Variants in NR5A2 observed in about 807,000 individuals in gnomAD.
NR5A2 encodes nuclear receptor subfamily 5 group A member 2, also known as CYP7A promoter-binding factor.
NR5A2 carries 26 observed loss-of-function variants against 62.7 expected under a neutral mutation model. The observed-to-expected ratio is 0.41, with a 90% CI of 0.30 to 0.58. The LOEUF (loss-of-function observed/expected upper bound fraction) is 0.58, where lower values mean the gene tolerates loss of function less well. NR5A2 is among the 20% of genes least tolerant of loss of function. The probability of loss-of-function intolerance (pLI) is 0.22; values close to 1 mark genes in which losing one functional copy is unlikely to be tolerated. For synonymous variants in NR5A2, 246 were observed against 241.7 expected (o/e 1.02, Z -0.16); for missense variants, 541 against 669.1 (o/e 0.81, Z 2.11).
intron 7 of NR5A2, among the ~76,000 whole-genome samples, chr1:200,166,692 A>G (rs1653919813): frequency 1.3e-5 from 2 of 152,164 alleles, no homozygotes; most frequent in Admixed American, 6.5e-5. Context: ...GGGAAGTCTC[A>G]TGGTAGAGCA....
At position 200,177,392 on chromosome 1, in the gene NR5A2, A is replaced by G. The variant is rs1654470586; in HGVS notation, c.*3182A>G. 1 of 152,584 alleles carries G rather than the reference A, an allele frequency of 6.6e-6. No homozygotes were observed. Among genetic ancestry groups the G allele is most frequent in the Admixed American group, 6.5e-5 (1 of 15,278 alleles). The allele number at this position is 152,584 out of a possible 1,614,324, so 9.5% of individuals were successfully genotyped here. A position where few individuals can be genotyped will look rare whatever the true frequency, so the allele number is the denominator to read the frequency against. Reference sequence around the variant, plus strand: ...ATTTTTTTTTTCAGTATTTCAATAAATATTGATATGCCCAGCCTGATAATT... The same window carrying G: ...ATTTTTTTTTTCAGTATTTCAATAAGTATTGATATGCCCAGCCTGATAATT... On this transcript the variant is annotated 3_prime_UTR_variant, in exon 8 of 8. Transcript: ENST00000367362.
intron 6 of NR5A2, among the ~76,000 whole-genome samples, chr1:200,113,670 C>T (rs926025707): frequency 2.0e-5 from 3 of 152,162 alleles, no homozygotes; most frequent in African/African-American, 7.2e-5. Context: ...TATTGTATCT[C>T]TCCTGGTTGC....
intron 1 of NR5A2, among the ~76,000 whole-genome samples, chr1:200,035,878 G>T (rs927929526): frequency 1.3e-5 from 2 of 152,214 alleles, no homozygotes; most frequent in African/African-American, 4.8e-5. Context: ...GGAGTGCAAA[G>T]AAATTGAGAA....
At chr1:200,067,829 T>A (rs1663564140) in intron 5 of NR5A2, among the ~76,000 whole-genome samples, 1 of 152,234 alleles carries the variant, frequency 6.6e-6, no homozygotes, top group Admixed American at 6.5e-5. Context: ...GACACCAGTG[T>A]GCAAATTCAG....
intron 5 of NR5A2, among the ~76,000 whole-genome samples, chr1:200,104,043 A>AG (rs1665523960): frequency 6.6e-6 from 1 of 152,160 alleles, no homozygotes; most frequent in African/African-American, 2.4e-5. Flanking sequence ...AAAGGAGGTT[A>AG]GGGGGAGGTC....
chr1:200,164,026 TAGTGA>T (rs1653779262), intron 7 of NR5A2, among the ~76,000 whole-genome samples: 1 of 151,852 alleles, frequency 6.6e-6, no homozygotes, highest in Non-Finnish European at 1.5e-5. Context: ...GTCTTGGTGA[TAGTGA>T]GTTCTTGCCA....
intron 5 of NR5A2, among the ~76,000 whole-genome samples, chr1:200,103,299 A>G (rs1665481979): frequency 6.6e-6 from 1 of 151,562 alleles, no homozygotes; most frequent in Admixed American, 6.6e-5. Flanking sequence ...AATTTTTTGT[A>G]TTTTTGGTAG....
intron 7 of NR5A2, chr1:200,148,235 C>T (rs1002643715): frequency 2.2e-5 from 5 of 226,240 alleles, no homozygotes; most frequent in African/African-American, 7.0e-5. Context: ...ACAGCGGCAG[C>T]ATCCAAAGGA....
chr1:200,150,761 C>A (rs1653047575), intron 7 of NR5A2, among the ~76,000 whole-genome samples: 1 of 152,204 alleles, frequency 6.6e-6, no homozygotes, highest in African/African-American at 2.4e-5. Context: ...TGCAGGCCTT[C>A]CTAATGCCCC....
intron 1 of NR5A2, chr1:200,038,810 C>T (rs1318182528): frequency 7.8e-7 from 1 of 1,281,700 alleles, no homozygotes; most frequent in Non-Finnish European, 1.0e-6. Flanking sequence ...CCGCCCCGGG[C>T]CAGGGTGGGG....
chr1:200,155,559 G>A (rs78600110), intron 7 of NR5A2, among the ~76,000 whole-genome samples: 189 of 152,284 alleles, frequency 1.2e-3, no homozygotes, highest in Non-Finnish European at 2.3e-3. Flanking sequence ...CTGCCAGGTC[G>A]ACTACCAGTT....
At chr1:200,098,445 A>T (rs1281499298) in intron 5 of NR5A2, among the ~76,000 whole-genome samples, 1 of 152,244 alleles carries the variant, frequency 6.6e-6, no homozygotes. Flanking sequence ...GCAGGAAAGA[A>T]ACTGGGCAAT....
intron 5 of NR5A2, among the ~76,000 whole-genome samples, chr1:200,110,182 A>G (rs1665876258): frequency 1.3e-5 from 2 of 152,268 alleles, no homozygotes; most frequent in South Asian, 4.1e-4. Context: ...TCTAAAATAC[A>G]CAAAACTCTT....
At chr1:200,145,231 AC>A (rs1667635882) in intron 7 of NR5A2, among the ~76,000 whole-genome samples, 1 of 152,094 alleles carries the variant, frequency 6.6e-6, no homozygotes, top group Non-Finnish European at 1.5e-5. Flanking sequence ...AATCGCCTGA[AC>A]CCGGGAGGCG....
At chr1:200,056,735 C>G (rs1232272254) in intron 5 of NR5A2, among the ~76,000 whole-genome samples, 1 of 152,168 alleles carries the variant, frequency 6.6e-6, no homozygotes, top group Non-Finnish European at 1.5e-5. Flanking sequence ...CATAACTTCA[C>G]ACTGGGTCTG....
chr1:200,152,809 A>G (rs1653190773), intron 7 of NR5A2, among the ~76,000 whole-genome samples: 1 of 152,170 alleles, frequency 6.6e-6, no homozygotes, highest in African/African-American at 2.4e-5. Flanking sequence ...ACTGCCATTC[A>G]GCTATGGTCA....
At chr1:200,081,519 C>A (rs1473957581) in intron 5 of NR5A2, among the ~76,000 whole-genome samples, 1 of 152,182 alleles carries the variant, frequency 6.6e-6, no homozygotes, top group Non-Finnish European at 1.5e-5. Context: ...AGTCTCCCAG[C>A]TCAGATGGAC....
intron 7 of NR5A2, among the ~76,000 whole-genome samples, chr1:200,166,651 C>G (rs778812984): frequency 6.6e-6 from 1 of 152,028 alleles, no homozygotes; most frequent in African/African-American, 2.4e-5. Context: ...AATAATGAGC[C>G]CTGCAGGGTT....
rs201214610 is a variant in NR5A2 at position 200,048,508 on chromosome 1, G to C, written c.800G>C (p.Arg267Pro). The C allele has an allele frequency of 1.9e-6, 3 of 1,614,138 alleles. No individual in the cohort carries two copies. The highest frequency in any genetic ancestry group is 1.7e-5 in the Admixed American group (1 of 60,022). The change falls in exon 5 of 8, where the codon CGG becomes CCG. Residue 267 changes from arginine (R) to proline (P), a missense_variant. By Grantham distance (103) the Arg-to-Pro change is moderately radical. Around this residue, in one of 3 missense-constraint regions of NR5A2, gnomAD observed 379 missense variants for 442.0 expected, o/e 0.86. Coordinates refer to ENST00000367362, the MANE Select transcript of NR5A2 (RefSeq NM_205860.3). This position sits in a 1 kb window ranked among gnomAD's most constrained non-coding sequence, Gnocchi z 4.8. ...GYQTYGHFPS[R>P]AIKSEYPDPY... Reference sequence around the variant, plus strand: ...CAAACATATGGCCACTTTCCTAGCCGGGCCATCAAGTCTGAGTACCCAGAC... The same window carrying C: ...CAAACATATGGCCACTTTCCTAGCCCGGCCATCAAGTCTGAGTACCCAGAC...
Sources: allele counts gnomAD v4.1 joint callset (sites outside exome capture counted in the v4.1 genomes callset), GRCh38; gene constraint gnomAD v4.1.1; regional missense constraint gnomAD v4.1.1; non-coding constraint Gnocchi (gnomAD v3.1); transcripts MANE v1.5; gene names NCBI Gene and HGNC (gene_info 2026-07-23, HGNC 2026-07-21).